Variants in EFHD2 observed in about 807,000 individuals in gnomAD.
EFHD2 encodes EF-hand domain-containing protein D2.
A neutral mutation model predicts 20.3 loss-of-function variants in EFHD2; 12 were observed. That is an observed-to-expected ratio of 0.59 (90% CI 0.38 to 0.96). The LOEUF is 0.96. Among genes scored for constraint, EFHD2 ranks in the 40% least tolerant of loss-of-function variants. The probability of loss-of-function intolerance (pLI) is 0.00; values close to 1 mark genes in which losing one functional copy is unlikely to be tolerated. For missense variants in EFHD2, 250 were observed against 334.3 expected (o/e 0.75, Z 1.97); for synonymous variants, 131 against 143.9 (o/e 0.91, Z 0.64).
rs760237688 is a variant in EFHD2, at chr1:15,428,828, A to G, written c.*104A>G. ...CTTGCCTGTGTCTGACGGGACCACTACTAAAAACCTAAAAATATCTGTGAA... is the reference window on the plus strand; with the variant it reads ...CTTGCCTGTGTCTGACGGGACCACTGCTAAAAACCTAAAAATATCTGTGAA... On this transcript the variant is annotated 3_prime_UTR_variant, in exon 4 of 4. Coordinates refer to ENST00000375980, the MANE Select transcript of EFHD2 (RefSeq NM_024329.6). 2 of 1,495,936 alleles carry G rather than the reference A, an allele frequency of 1.3e-6. No individual in the cohort carries two copies. The highest frequency in any genetic ancestry group is 1.8e-6 in the Non-Finnish European group (2 of 1,108,794). 92.7% of individuals were successfully genotyped at this position (1,495,936 alleles called of 1,614,324 possible).
intron 1 of EFHD2, 129 bp from the exon 2 acceptor site, chr1:15,425,742 C>T (rs778607780): frequency 1.7e-4 from 234 of 1,342,592 alleles, no homozygotes; most frequent in Non-Finnish European, 2.1e-4. Flanking sequence ...GACTGAGGTC[C>T]CTTCCAACAG....
Position 15,426,572 on chromosome 1 carries a change from T to A in EFHD2, c.456+554T>A, listed in dbSNP as rs1707874728. On this transcript the variant is annotated intron_variant, in intron 2 of 3. Coordinates refer to ENST00000375980, the MANE Select transcript of EFHD2 (RefSeq NM_024329.6). The surrounding 1 kb of genome is among the most constrained non-coding windows in gnomAD (Gnocchi z 4.6). Reference sequence around the variant, plus strand: ...GAAGCACAGGGTTAGGTGTGGGGACTCGAGGCCCAACTGGGGCCCAGGAGG... The same window carrying A: ...GAAGCACAGGGTTAGGTGTGGGGACACGAGGCCCAACTGGGGCCCAGGAGG... 6.6e-6 allele frequency among the ~76,000 whole-genome samples: 1 copy of A among 152,008 alleles called. No homozygotes were observed. Among genetic ancestry groups the A allele is most frequent in the Admixed American group, 6.6e-5 (1 of 15,264 alleles).
chr1:15,427,330 G>A (rs369946882), intron 3 of EFHD2, 46 bp downstream of exon 3: 2 of 1,575,810 alleles, frequency 1.3e-6, no homozygotes, highest in Non-Finnish European at 1.7e-6. Context: ...AGGACAAGGG[G>A]ACCCTGGGTT....
chr1:15,416,506 C>T (rs1474899210), intron 1 of EFHD2, among the ~76,000 whole-genome samples: 1 of 152,224 alleles, frequency 6.6e-6, no homozygotes, highest in Non-Finnish European at 1.5e-5. Flanking sequence ...AGCCGGGCCG[C>T]CCAGGGAGTC....
rs549820554 is a variant in EFHD2, at chr1:15,429,054, A to G, written c.*330A>G. 53 of 318,380 alleles carry G rather than the reference A, an allele frequency of 1.7e-4. No homozygotes were observed. The highest frequency in any genetic ancestry group is 1.1e-3 in the Admixed American group (25 of 23,412). The allele number at this position is 318,380 out of a possible 1,614,324, so 19.7% of individuals were successfully genotyped here. ...CAGCTCCTGGCCCTAGGTCCCTCCC[A>G]GCCCCATGTGCCTGCCGCCTGCCCT... On this transcript the variant is annotated 3_prime_UTR_variant, in exon 4 of 4. Coordinates refer to ENST00000375980, the MANE Select transcript of EFHD2 (RefSeq NM_024329.6).
intron 1 of EFHD2, among the ~76,000 whole-genome samples, chr1:15,412,865 A>G (rs2103269915): frequency 6.6e-6 from 1 of 152,120 alleles, no homozygotes; most frequent in South Asian, 2.1e-4. Context: ...GACTGAGGGG[A>G]GCTGGACCCC....
At chr1:15,417,076 G>A (rs918997502) in intron 1 of EFHD2, among the ~76,000 whole-genome samples, 6 of 152,120 alleles carry the variant, frequency 3.9e-5, no homozygotes, top group African/African-American at 1.4e-4. Flanking sequence ...CTCCCAAAGT[G>A]CAGGGATTAC....
chr1:15,410,067 GGCA>G lies in EFHD2; in HGVS notation c.99_101del (p.Ala38del). On this transcript the variant is annotated inframe_deletion, in exon 1 of 4. Coordinates refer to ENST00000375980, the MANE Select transcript of EFHD2 (RefSeq NM_024329.6). The stretch of plus-strand genomic sequence containing the variant: ...CCCCGGAGCAGCCCGGGCTGAACGG[GGCA>G]GCGGCGGCGGCGGCGGGGGCACCCG... 1.4e-6 allele frequency: 2 copies of G among 1,385,516 alleles called. No homozygotes were observed. The highest frequency in any genetic ancestry group is 3.1e-5 in the African/African-American group (2 of 64,950). The allele number at this position is 1,385,516 out of a possible 1,614,324, so 85.8% of individuals were successfully genotyped here. A position where few individuals can be genotyped will look rare whatever the true frequency, so the allele number is the denominator to read the frequency against.
intron 1 of EFHD2, among the ~76,000 whole-genome samples, chr1:15,421,767 C>T (rs1557500373): frequency 6.6e-6 from 1 of 152,208 alleles, no homozygotes; most frequent in Non-Finnish European, 1.5e-5. Flanking sequence ...GGGGCTGGGG[C>T]GTGAACCCCT....
At chr1:15,428,473 G>C in intron 3 of EFHD2, 120 bp from the exon 4 acceptor site, 1 of 1,311,432 alleles carries the variant, frequency 7.6e-7, no homozygotes, top group East Asian at 2.6e-5. Context: ...CTCCAGCCTG[G>C]GCGACAGAGC....
At chr1:15,414,567 A>C (rs547496883) in intron 1 of EFHD2, among the ~76,000 whole-genome samples, 2 of 152,164 alleles carry the variant, frequency 1.3e-5, no homozygotes, top group Non-Finnish European at 2.9e-5. Context: ...CTCAGCATAC[A>C]CCCTCTCCTG....
intron 1 of EFHD2, among the ~76,000 whole-genome samples, chr1:15,410,650 G>GT (rs1479489175): frequency 6.6e-6 from 1 of 150,878 alleles, no homozygotes; most frequent in Non-Finnish European, 1.5e-5. Context: ...CGCGCTGTTA[G>GT]TGGGGCTTCT....
intron 1 of EFHD2, among the ~76,000 whole-genome samples, chr1:15,412,290 G>C (rs1294025166): frequency 6.6e-6 from 1 of 152,096 alleles, no homozygotes; most frequent in Admixed American, 6.5e-5. Flanking sequence ...GCAGTGCAGA[G>C]CTGATTCAGA....
intron 1 of EFHD2, among the ~76,000 whole-genome samples, chr1:15,410,726 A>C (rs1707476361): frequency 6.7e-6 from 1 of 149,898 alleles, no homozygotes. Flanking sequence ...GATCCCAGCT[A>C]CTCGCGTTCC....
chr1:15,416,213 T>C (rs1213878406), intron 1 of EFHD2, among the ~76,000 whole-genome samples: 1 of 152,160 alleles, frequency 6.6e-6, no homozygotes, highest in Non-Finnish European at 1.5e-5. Context: ...TCCTCCATGC[T>C]ACCTGGGTCC....
rs1423756831 is a variant in EFHD2, at chr1:15,410,054, C to T, written c.83C>T (p.Pro28Leu). 1 of 1,339,760 alleles carries T rather than the reference C, an allele frequency of 7.5e-7. No homozygotes were observed. The highest frequency in any genetic ancestry group is 3.2e-5 in the East Asian group (1 of 31,382). 83.0% of individuals were successfully genotyped at this position (1,339,760 alleles called of 1,614,324 possible). The change falls in exon 1 of 4, where the codon CCC becomes CTC. Residue 28 changes from proline to leucine, a missense_variant. Pro to Leu is a moderately conservative substitution (Grantham distance 98). Transcript: ENST00000375980. ...GGCGGCGGCGAGACCCCGGAGCAGC[C>T]CGGGCTGAACGGGGCAGCGGCGGCG... is the stretch of plus-strand genomic sequence containing the variant. The part of the protein sequence containing the change: ...GEGGGETPEQ[P>L]GLNGAAAAAA...
intron 1 of EFHD2, among the ~76,000 whole-genome samples, chr1:15,412,737 G>A (rs34920891): frequency 0.09 from 13,686 of 152,282 alleles, 777 homozygotes; most frequent in South Asian, 0.19. Flanking sequence ...AGGCTGCAGT[G>A]TGGTTGGAAG....
At chr1:15,414,298 G>A (rs930615167) in intron 1 of EFHD2, among the ~76,000 whole-genome samples, 11 of 152,162 alleles carry the variant, frequency 7.2e-5, no homozygotes, top group African/African-American at 9.7e-5. Context: ...GAAGCCTCCC[G>A]CCCTCTTCTC....
intron 1 of EFHD2, among the ~76,000 whole-genome samples, chr1:15,419,928 A>G (rs1188172711): frequency 6.6e-6 from 1 of 152,166 alleles, no homozygotes; most frequent in East Asian, 1.9e-4. Context: ...CTCCCTGTTC[A>G]AGGGCTCTGT....
Sources: allele counts gnomAD v4.1 joint callset (sites outside exome capture counted in the v4.1 genomes callset), GRCh38; gene constraint gnomAD v4.1.1; non-coding constraint Gnocchi (gnomAD v3.1); transcripts MANE v1.5; gene names NCBI Gene and HGNC (gene_info 2026-07-23, HGNC 2026-07-21).